Variants in ZFAND6 observed in about 807,000 individuals in gnomAD.
The protein encoded by ZFAND6 is zinc finger AN1-type containing 6.
ZFAND6 carries 12 observed loss-of-function variants against 24.5 expected under a neutral mutation model. The observed-to-expected ratio is 0.49, with a 90% CI of 0.31 to 0.79. ZFAND6 has a LOEUF of 0.79. ZFAND6 is among the 30% of genes least tolerant of loss of function. ZFAND6 has a pLI of 0.04. For synonymous variants in ZFAND6, 92 were observed against 81.5 expected (o/e 1.13, Z -0.69); for missense variants, 207 against 245.9 (o/e 0.84, Z 1.06).
chr15:80,060,931 G>T (rs186398600), intron 1 of ZFAND6, among the ~76,000 whole-genome samples: 84 of 152,202 alleles, frequency 5.5e-4, no homozygotes, highest in African/African-American at 2.0e-3. Flanking sequence ...AAAAAAAGCC[G>T]GGCAGAATTA....
chr15:80,071,558 A>C, intron 1 of ZFAND6, among the ~76,000 whole-genome samples: 1 of 152,284 alleles, frequency 6.6e-6, no homozygotes, highest in South Asian at 2.1e-4. Context: ...AAACTTAGTA[A>C]TGTATAAAGT....
intron 2 of ZFAND6, chr15:80,111,508 C>T (rs1213116237): frequency 4.4e-5 from 20 of 455,824 alleles, no homozygotes; most frequent in Non-Finnish European, 3.1e-5. Flanking sequence ...GAATGTCAAT[C>T]AGAAGTTTTC....
chr15:80,086,833 CCAGT>C (rs1342337453), intron 1 of ZFAND6, among the ~76,000 whole-genome samples: 1 of 152,236 alleles, frequency 6.6e-6, no homozygotes, highest in Non-Finnish European at 1.5e-5. Flanking sequence ...CACGTCTCCC[CCAGT>C]CAGTGGTAAC....
chr15:80,110,056 G>A (rs977000858), intron 2 of ZFAND6, among the ~76,000 whole-genome samples: 5 of 152,150 alleles, frequency 3.3e-5, no homozygotes, highest in African/African-American at 7.2e-5. Context: ...CGTCACATGA[G>A]CCTTTCTCTG....
intron 1 of ZFAND6, chr15:80,073,351 T>G: frequency 3.0e-6 from 1 of 328,982 alleles, no homozygotes; most frequent in Non-Finnish European, 6.0e-6. Flanking sequence ...ACAACTTTTT[T>G]TTAAAGTATC....
intron 1 of ZFAND6, among the ~76,000 whole-genome samples, chr15:80,090,809 A>G (rs1400253117): frequency 6.6e-6 from 1 of 152,232 alleles, no homozygotes; most frequent in Non-Finnish European, 1.5e-5. Flanking sequence ...ATACCATTCT[A>G]GGAGCCATGT....
Position 80,120,314 on chromosome 15 carries a change from T to C in ZFAND6, c.-17-14T>C. Reference sequence around the variant, plus strand: ...ACGTGTCTGAGTTCTTTGCTAATTTTATGTAATTTTCAGGTGTGCAACTGA... The same window carrying C: ...ACGTGTCTGAGTTCTTTGCTAATTTCATGTAATTTTCAGGTGTGCAACTGA... On this transcript the variant is annotated splice_polypyrimidine_tract_variant and intron_variant, in intron 2 of 6. Transcript: ENST00000261749. 2 of 1,492,038 alleles carry C rather than the reference T, an allele frequency of 1.3e-6. No individual in the cohort carries two copies. Among genetic ancestry groups the C allele is most frequent in the Non-Finnish European group, 1.8e-6 (2 of 1,112,806 alleles). The allele number at this position is 1,492,038 out of a possible 1,614,324, so 92.4% of individuals were successfully genotyped here.
At chr15:80,105,561 A>G (rs760528551) in intron 2 of ZFAND6, among the ~76,000 whole-genome samples, 13 of 152,326 alleles carry the variant, frequency 8.5e-5, no homozygotes, top group Non-Finnish European at 1.5e-4. Context: ...AAGTATTTTC[A>G]CAATCACCGT....
chr15:80,130,123 T>C (rs2040533164), intron 5 of ZFAND6: 1 of 152,154 alleles, frequency 6.6e-6, no homozygotes, highest in Admixed American at 6.5e-5. Context: ...TTAAGGCAGA[T>C]GATTGGATGC....
rs112839581 is a variant in ZFAND6, at chr15:80,087,552, T to C, written c.-180-10864T>C. Reference sequence around the variant, plus strand: ...ATTTCTGGTCCCAGCACCTCTTGTTTCATTCTCTCCTCTAGCTTCAGTTCC... The same window carrying C: ...ATTTCTGGTCCCAGCACCTCTTGTTCCATTCTCTCCTCTAGCTTCAGTTCC... On this transcript the variant is annotated intron_variant, in intron 1 of 6. Coordinates refer to ENST00000261749, the MANE Select transcript of ZFAND6 (RefSeq NM_019006.4). Among the ~76,000 whole-genome samples, 751 of 152,278 alleles carry C rather than the reference T, an allele frequency of 4.9e-3. 5 individuals are homozygous for C. The highest frequency in any genetic ancestry group is 9.2e-3 in the Non-Finnish European group (627 of 68,008).
intron 5 of ZFAND6, among the ~76,000 whole-genome samples, chr15:80,124,129 A>G (rs1254111473): frequency 2.0e-5 from 3 of 152,192 alleles, no homozygotes; most frequent in Non-Finnish European, 4.4e-5. Flanking sequence ...AGAAATGAGG[A>G]ATCTTTAAAG....
intron 2 of ZFAND6, among the ~76,000 whole-genome samples, chr15:80,116,099 T>A (rs1209024434): frequency 6.6e-6 from 1 of 151,588 alleles, no homozygotes; most frequent in Non-Finnish European, 1.5e-5. Flanking sequence ...GTTTTTTTTT[T>A]GTTTTTTTTT....
rs574739189 is a variant in ZFAND6 at position 80,135,658 on chromosome 15, A to G, written c.479-1822A>G. 9.2e-5 allele frequency among the ~76,000 whole-genome samples: 14 copies of G among 152,382 alleles called. No homozygotes were observed. In the South Asian group the frequency reaches 2.7e-3, roughly 29 times the overall value. ...TTAATATCAAAGATGCTTCAAGATC[A>G]GGTATGGTGGCTCACACCTATAATC... On this transcript the variant is annotated intron_variant, in intron 6 of 6. Coordinates refer to ENST00000261749, the MANE Select transcript of ZFAND6 (RefSeq NM_019006.4).
intron 1 of ZFAND6, among the ~76,000 whole-genome samples, chr15:80,060,919 C>CA (rs1020275773): frequency 2.2e-4 from 34 of 151,530 alleles, no homozygotes; most frequent in Non-Finnish European, 3.5e-4. Flanking sequence ...GACTCCGTCT[C>CA]AAAAAAAAGC....
chr15:80,125,933 T>G (rs1011068387), intron 5 of ZFAND6, among the ~76,000 whole-genome samples: 9 of 152,232 alleles, frequency 5.9e-5, no homozygotes, highest in African/African-American at 2.2e-4. Flanking sequence ...GGAGGTTGGA[T>G]GAGCTTTGTA....
chr15:80,073,438 T>A (rs1198455063), intron 1 of ZFAND6: 1 of 194,020 alleles, frequency 5.2e-6, no homozygotes, highest in African/African-American at 2.4e-5. Context: ...GAGACTGTTT[T>A]CTTTATATTG....
Position 80,137,837 on chromosome 15 carries a change from A to G in ZFAND6, c.*209A>G, listed in dbSNP as rs2040930714. 2 of 447,728 alleles carry G rather than the reference A, an allele frequency of 4.5e-6. No individual in the cohort carries two copies. Among genetic ancestry groups the G allele is most frequent in the South Asian group, 8.0e-5 (2 of 25,086 alleles). 27.7% of individuals were successfully genotyped at this position (447,728 alleles called of 1,614,324 possible). ...CTGAGGAGACTTAAACTTTACAAGT[A>G]TTATCCTTTTAAGATCATTTTAATT... On this transcript the variant is annotated 3_prime_UTR_variant, in exon 7 of 7. Coordinates refer to ENST00000261749, the MANE Select transcript of ZFAND6 (RefSeq NM_019006.4).
chr15:80,077,879 T>C (rs1018594939), intron 1 of ZFAND6, among the ~76,000 whole-genome samples: 11 of 151,946 alleles, frequency 7.2e-5, no homozygotes, highest in African/African-American at 2.4e-4. Flanking sequence ...TTTGTATTTT[T>C]AGTAGAGATG....
chr15:80,103,270 A>G (rs893288573), intron 2 of ZFAND6, among the ~76,000 whole-genome samples: 1 of 152,230 alleles, frequency 6.6e-6, no homozygotes, highest in African/African-American at 2.4e-5. Context: ...TAATCTATAT[A>G]AAGTGCTTAG....
Sources: allele counts gnomAD v4.1 joint callset (sites outside exome capture counted in the v4.1 genomes callset), GRCh38; gene constraint gnomAD v4.1.1; transcripts MANE v1.5; gene names NCBI Gene and HGNC (gene_info 2026-07-23, HGNC 2026-07-21).